The following GRK5 variants were observed in gnomAD, a reference collection of about 807,000 sequenced individuals.
GRK5 encodes g protein-coupled receptor kinase GRK5.
In GRK5, 40 loss-of-function variants were observed where a neutral mutation model predicts 78.4. The observed-to-expected ratio is 0.51, with a 90% confidence interval of 0.40 to 0.66. The LOEUF is 0.66. Among genes scored for constraint, GRK5 ranks in the 30% least tolerant of loss-of-function variants. The pLI, the probability that GRK5 is intolerant of heterozygous loss-of-function variation, is 0.00. For synonymous variants in GRK5, 289 were observed against 296.8 expected (o/e 0.97, Z 0.27); for missense variants, 598 against 759.9 (o/e 0.79, Z 2.50).
At position 119,209,962 on chromosome 10, in the gene GRK5, C is replaced by T. The variant is rs148730892; in HGVS notation, c.52+1993C>T. 5.3e-5 allele frequency among the ~76,000 whole-genome samples: 8 copies of T among 152,288 alleles called. No homozygotes were observed. The East Asian group carries it at 1.5e-3, about 29-fold the overall frequency. ...CCCGCCCCCTCCAAATTGTTCTCCC[C>T]AGTATTTTTTCACCAACGTGAATTT... On this transcript the variant is annotated intron_variant, in intron 1 of 15. Coordinates refer to ENST00000392870, the MANE Select transcript of GRK5 (RefSeq NM_005308.3).
intron 1 of GRK5, among the ~76,000 whole-genome samples, chr10:119,299,917 C>T (rs183149395): frequency 1.2e-3 from 181 of 152,182 alleles, no homozygotes; most frequent in African/African-American, 4.1e-3. Flanking sequence ...CATCCGTTAA[C>T]TCGTCATTTA....
intron 9 of GRK5, 149 bp downstream of exon 9, chr10:119,436,990 T>C (rs1353902572): frequency 2.5e-5 from 19 of 758,742 alleles, no homozygotes; most frequent in Non-Finnish European, 3.7e-5. Context: ...GACTTTCCAC[T>C]CCAGGAAGCT....
chr10:119,296,729 C>T (rs142298040), intron 1 of GRK5, among the ~76,000 whole-genome samples: 27 of 152,294 alleles, frequency 1.8e-4, no homozygotes, highest in Non-Finnish European at 2.8e-4. Context: ...ATCAGTTTTG[C>T]GGCCCTCATA....
intron 1 of GRK5, among the ~76,000 whole-genome samples, chr10:119,307,605 C>T (rs1850292997): frequency 1.3e-5 from 2 of 152,130 alleles, no homozygotes; most frequent in South Asian, 4.1e-4. Flanking sequence ...GGCACACTGC[C>T]CTGCCGACAC....
chr10:119,408,341 C>CAA (rs67973033), intron 4 of GRK5, among the ~76,000 whole-genome samples: 1,954 of 48,294 alleles, frequency 0.04, 137 homozygotes, highest in Non-Finnish European at 0.048. Context: ...AACCCTGTCT[C>CAA]AAAAAAAAAA....
Position 119,246,042 on chromosome 10 carries a change from A to G in GRK5, c.52+38073A>G, listed in dbSNP as rs1044555552. 1.5e-4 allele frequency among the ~76,000 whole-genome samples: 21 copies of G among 140,374 alleles called. No individual in the cohort carries two copies. In the East Asian group the frequency reaches 3.1e-3, roughly 21 times the overall value. 92.1% of individuals were successfully genotyped at this position (140,374 alleles called of 152,430 possible). ...CTCAAAAAAAAAAAAAAAAAAAAAA[A>G]AAAGAAAAAAAGATAAATTTGTTAA... is the stretch of plus-strand genomic sequence containing the variant. On this transcript the variant is annotated intron_variant, in intron 1 of 15. Transcript: ENST00000392870.
chr10:119,348,730 C>G (rs552859121), intron 2 of GRK5, among the ~76,000 whole-genome samples: 1 of 152,342 alleles, frequency 6.6e-6, no homozygotes, highest in East Asian at 1.9e-4. Flanking sequence ...TCTGGAGGAA[C>G]CAGCCAAGAG....
At chr10:119,240,821 A>G (rs565917983) in intron 1 of GRK5, among the ~76,000 whole-genome samples, 1 of 152,214 alleles carries the variant, frequency 6.6e-6, no homozygotes, top group East Asian at 1.9e-4. Context: ...AGCTCAAGCA[A>G]TCTTCCTGCC....
chr10:119,445,490 C>G lies in GRK5; in HGVS notation c.1266+1738C>G, dbSNP rs916298975. Among the ~76,000 whole-genome samples, 4 of 152,150 alleles carry G rather than the reference C, an allele frequency of 2.6e-5. No individual in the cohort carries two copies. The highest frequency in any genetic ancestry group is 4.4e-5 in the Non-Finnish European group (3 of 68,026). On this transcript the variant is annotated intron_variant, in intron 12 of 15. Coordinates refer to ENST00000392870, the MANE Select transcript of GRK5 (RefSeq NM_005308.3). This position sits in a 1 kb window ranked among gnomAD's most constrained non-coding sequence, Gnocchi z 4.1. ...TTGGAGCTGGGATCTCCTGCTGCAG[C>G]CTGGACCAGGGTGCTGCTGTCCCTC...
At chr10:119,353,975 T>C (rs1851224284) in intron 2 of GRK5, among the ~76,000 whole-genome samples, 1 of 143,974 alleles carries the variant, frequency 6.9e-6, no homozygotes, top group Non-Finnish European at 1.5e-5. Context: ...ACTTTATTAG[T>C]GTGACTTCAT....
At chr10:119,413,476 C>A (rs1456706142) in intron 4 of GRK5, among the ~76,000 whole-genome samples, 1 of 151,864 alleles carries the variant, frequency 6.6e-6, no homozygotes, top group East Asian at 1.9e-4. Flanking sequence ...GGAACATCAT[C>A]AGTTCATTCA....
intron 1 of GRK5, among the ~76,000 whole-genome samples, chr10:119,313,044 G>GC (rs1850399973): frequency 7.7e-5 from 1 of 12,922 alleles, no homozygotes; most frequent in Admixed American, 8.9e-4. Context: ...GGTGATGGTG[G>GC]TGGTGGTAAT....
chr10:119,414,741 C>T (rs1852412467), intron 4 of GRK5, among the ~76,000 whole-genome samples: 1 of 152,028 alleles, frequency 6.6e-6, no homozygotes, highest in Non-Finnish European at 1.5e-5. Context: ...AAGGTTACTC[C>T]ACATAAAGCT....
intron 3 of GRK5, among the ~76,000 whole-genome samples, chr10:119,381,925 C>CA (rs1201281821): frequency 6.6e-6 from 1 of 152,176 alleles, no homozygotes; most frequent in East Asian, 1.9e-4. Context: ...ACCCACAAAC[C>CA]AAATTGCCCA....
chr10:119,219,720 TA>T (rs1328043677), intron 1 of GRK5, among the ~76,000 whole-genome samples: 1 of 152,206 alleles, frequency 6.6e-6, no homozygotes, highest in African/African-American at 2.4e-5. Context: ...CCCTCCCCCC[TA>T]ATTTGGAAGT....
intron 4 of GRK5, among the ~76,000 whole-genome samples, chr10:119,399,686 C>A (rs1365642165): frequency 6.6e-6 from 1 of 152,234 alleles, no homozygotes; most frequent in Non-Finnish European, 1.5e-5. Flanking sequence ...AGAAGTCCTG[C>A]AAGAAAGAAA....
intron 13 of GRK5, among the ~76,000 whole-genome samples, chr10:119,448,501 G>A (rs1589816458): frequency 6.6e-6 from 1 of 152,370 alleles, no homozygotes; most frequent in African/African-American, 2.4e-5. Context: ...ACTTTCCCAG[G>A]TCTGGGGGTC....
chr10:119,446,133 G>A (rs1487829797), intron 12 of GRK5, among the ~76,000 whole-genome samples: 2 of 151,990 alleles, frequency 1.3e-5, no homozygotes, highest in Non-Finnish European at 2.9e-5. Flanking sequence ...AGCCCGCTCT[G>A]CCTGCCCCAC....
intron 2 of GRK5, among the ~76,000 whole-genome samples, chr10:119,342,593 C>T (rs1280264779): frequency 1.3e-5 from 2 of 152,156 alleles, no homozygotes; most frequent in African/African-American, 4.8e-5. Flanking sequence ...TGTCATCAAC[C>T]GTCCCGTGCG....
Sources: allele counts gnomAD v4.1 joint callset (sites outside exome capture counted in the v4.1 genomes callset), GRCh38; gene constraint gnomAD v4.1.1; non-coding constraint Gnocchi (gnomAD v3.1); transcripts MANE v1.5; gene names NCBI Gene and HGNC (gene_info 2026-07-23, HGNC 2026-07-21).